The following MRAP2 variants were observed in gnomAD, a reference collection of about 807,000 sequenced individuals.
MRAP2 encodes melanocortin-2 receptor accessory protein 2.
A neutral mutation model predicts 17.4 loss-of-function variants in MRAP2; 20 were observed. The ratio of observed to expected loss-of-function variants is 1.15; its 90% CI spans 0.81 to 1.67. The LOEUF is 1.67. MRAP2 is among the 40% of genes most tolerant of loss of function. MRAP2 has a pLI of 0.00. For synonymous variants in MRAP2, 96 were observed against 88.4 expected, an observed-to-expected ratio of 1.09 and a Z score of -0.48; for missense variants, 238 against 240.0, an observed-to-expected ratio of 0.99 and a Z score of 0.05.
rs150303153 is a variant in MRAP2, at chr6:84,086,063, C to T, written c.228-3028C>T. 7.9e-4 allele frequency among the ~76,000 whole-genome samples: 121 copies of T among 152,274 alleles called. 2 individuals carry two copies. The highest frequency in any genetic ancestry group is 2.7e-3 in the African/African-American group (112 of 41,566). On this transcript the variant is annotated intron_variant, in intron 3 of 3. Coordinates refer to ENST00000257776, the MANE Select transcript of MRAP2 (RefSeq NM_138409.4). Reference sequence around the variant, plus strand: ...CCAAAAGTGATCTTGCTTCAGGTTCCGCTTCTGGAGACCATTTATGTCAAC... The same window carrying T: ...CCAAAAGTGATCTTGCTTCAGGTTCTGCTTCTGGAGACCATTTATGTCAAC...
intron 3 of MRAP2, among the ~76,000 whole-genome samples, chr6:84,083,212 T>G (rs2099499455): frequency 6.6e-6 from 1 of 152,220 alleles, no homozygotes; most frequent in Non-Finnish European, 1.5e-5. Context: ...ATCCCTTGTT[T>G]GAGTGTTCAA....
intron 1 of MRAP2, chr6:84,035,277 T>C (rs2099485675): frequency 4.3e-6 from 1 of 233,372 alleles, no homozygotes; most frequent in Non-Finnish European, 7.0e-6. Flanking sequence ...GAGATGAGAA[T>C]GGACCCAGGA....
At chr6:84,104,638 G>A in the MRAP2 span, among the ~76,000 whole-genome samples, 2 of 152,100 alleles carry the variant, frequency 1.3e-5, no homozygotes, top group African/African-American at 4.8e-5. Context: ...GGAGGCCAAG[G>A]TGGGTGGATC....
intron 3 of MRAP2, among the ~76,000 whole-genome samples, chr6:84,071,836 T>G (rs1445209301): frequency 6.6e-6 from 1 of 152,220 alleles, no homozygotes; most frequent in East Asian, 1.9e-4. Flanking sequence ...CTTCGAGCTC[T>G]GAATTTCTTT....
chr6:84,107,206 T>C, the MRAP2 span, among the ~76,000 whole-genome samples: 958 of 152,186 alleles, frequency 6.3e-3, 8 homozygotes, highest in Admixed American at 0.01. Flanking sequence ...GCTTTTTGGG[T>C]CATGTGGTAC....
the MRAP2 span, among the ~76,000 whole-genome samples, chr6:84,133,806 C>A: frequency 6.6e-6 from 1 of 152,156 alleles, no homozygotes; most frequent in Non-Finnish European, 1.5e-5. Flanking sequence ...AGACCCCTTG[C>A]GCTTCCTGGG....
At chr6:84,135,989 ACTTACTT>A in the MRAP2 span, among the ~76,000 whole-genome samples, 3 of 152,232 alleles carry the variant, frequency 2.0e-5, no homozygotes, top group Non-Finnish European at 2.9e-5. Flanking sequence ...AATTGTGAGT[ACTTACTT>A]AATCTAGAGG....
At chr6:84,125,505 C>T in the MRAP2 span, among the ~76,000 whole-genome samples, 5 of 152,008 alleles carry the variant, frequency 3.3e-5, no homozygotes, top group African/African-American at 1.2e-4. Context: ...TTTCCTAACC[C>T]TTAATGTGAC....
chr6:84,064,533 G>C (rs1228999587), intron 3 of MRAP2, among the ~76,000 whole-genome samples: 1 of 152,030 alleles, frequency 6.6e-6, no homozygotes, highest in Non-Finnish European at 1.5e-5. Flanking sequence ...TGTCACCCAG[G>C]CTGGAGTGCA....
chr6:84,107,569 G>A, the MRAP2 span, among the ~76,000 whole-genome samples: 33 of 152,296 alleles, frequency 2.2e-4, no homozygotes, highest in Admixed American at 1.8e-3. Flanking sequence ...CAAGATCTTT[G>A]TGAACCAAAT....
chr6:84,068,479 A>G (rs1017513484), intron 3 of MRAP2, among the ~76,000 whole-genome samples: 1 of 152,204 alleles, frequency 6.6e-6, no homozygotes, highest in African/African-American at 2.4e-5. Flanking sequence ...ATTTGGCAGT[A>G]TAGTCATTTT....
At chr6:84,136,811 GATAACTTT>G in the MRAP2 span, among the ~76,000 whole-genome samples, 1 of 152,216 alleles carries the variant, frequency 6.6e-6, no homozygotes, top group Non-Finnish European at 1.5e-5. Flanking sequence ...GCTATGTACA[GATAACTTT>G]TTTCTTCTGC....
intron 3 of MRAP2, among the ~76,000 whole-genome samples, chr6:84,071,283 G>A (rs569627441): frequency 3.9e-5 from 6 of 152,234 alleles, no homozygotes; most frequent in African/African-American, 7.2e-5. Context: ...TGGTTGTGGC[G>A]AATTCTCTCA....
At chr6:84,055,474 G>A in intron 2 of MRAP2, 29 bp downstream of exon 2, 3 of 1,603,544 alleles carry the variant, frequency 1.9e-6, no homozygotes, top group Non-Finnish European at 2.6e-6. Context: ...CTCATTGAAA[G>A]CATAATTGTA....
At chr6:84,126,294 T>C in the MRAP2 span, 3 of 976,126 alleles carry the variant, frequency 3.1e-6, no homozygotes, top group Non-Finnish European at 4.2e-6. Context: ...GTGGTAATTT[T>C]TGCTAGGGAT....
the MRAP2 span, among the ~76,000 whole-genome samples, chr6:84,135,061 C>T: frequency 6.6e-6 from 1 of 151,722 alleles, no homozygotes; most frequent in Admixed American, 6.6e-5. Context: ...ACCATATCCA[C>T]AATATTTGTA....
At chr6:84,091,286 G>A (rs1245528868), downstream of MRAP2, among the ~76,000 whole-genome samples, 7 of 129,852 alleles carry the variant, frequency 5.4e-5, no homozygotes, top group Admixed American at 3.6e-4. Flanking sequence ...TTGCTCTGTC[G>A]CCCAGGCTGG....
downstream of MRAP2, among the ~76,000 whole-genome samples, chr6:84,091,256 T>TA (rs1287659308): frequency 1.3e-5 from 2 of 148,396 alleles, no homozygotes; most frequent in East Asian, 1.9e-4. Flanking sequence ...TTTTTTTTTT[T>TA]TTTTTTGAGA....
chr6:84,061,796 G>C (rs1412545192), intron 2 of MRAP2: 3 of 985,440 alleles, frequency 3.0e-6, no homozygotes, highest in East Asian at 1.1e-4. Context: ...AATGACAGTA[G>C]CCAGCACCTG....
Sources: gnomAD v4.1 joint callset for allele counts (sites outside exome capture counted in the v4.1 genomes callset) on GRCh38, gnomAD v4.1.1 for gene constraint, MANE v1.5 for transcripts, NCBI Gene and HGNC (gene_info 2026-07-23, HGNC 2026-07-21) for gene names.